The following SERGEF variants were observed in gnomAD, a reference collection of about 807,000 sequenced individuals.
SERGEF encodes secretion regulating guanine nucleotide exchange factor.
SERGEF carries 51 observed loss-of-function variants against 50.0 expected under a neutral mutation model. That is an observed-to-expected ratio of 1.02 (90% CI 0.81 to 1.29). The LOEUF (loss-of-function observed/expected upper bound fraction) is 1.29. Ranked by LOEUF, SERGEF falls within the 50% of genes most tolerant of loss-of-function variation. The probability of loss-of-function intolerance (pLI) is 0.00; values close to 1 mark genes in which losing one functional copy is unlikely to be tolerated. For synonymous variants in SERGEF, 205 were observed against 212.4 expected, an observed-to-expected ratio of 0.97 and a Z score of 0.30; for missense variants, 521 against 557.0, an observed-to-expected ratio of 0.94 and a Z score of 0.65.
chr11:17,840,307 G>A (rs951869624), intron 10 of SERGEF, among the ~76,000 whole-genome samples: 4 of 152,194 alleles, frequency 2.6e-5, no homozygotes, highest in Admixed American at 6.5e-5. Flanking sequence ...CATGTGGCTT[G>A]TGAGTTTAGA....
intron 9 of SERGEF, among the ~76,000 whole-genome samples, chr11:17,935,748 G>A (rs1852438938): frequency 6.6e-6 from 1 of 152,152 alleles, no homozygotes; most frequent in Non-Finnish European, 1.5e-5. Context: ...GGCAGTGACT[G>A]AAGAACTGAG....
chr11:17,821,504 C>T (rs1850081870), intron 10 of SERGEF, among the ~76,000 whole-genome samples: 1 of 152,078 alleles, frequency 6.6e-6, no homozygotes, highest in Non-Finnish European at 1.5e-5. Flanking sequence ...GGTAGGTGCT[C>T]CATACATTTT....
intron 9 of SERGEF, among the ~76,000 whole-genome samples, chr11:17,908,121 C>A (rs1037823497): frequency 3.9e-5 from 6 of 152,226 alleles, no homozygotes; most frequent in Non-Finnish European, 7.3e-5. Flanking sequence ...ACCCTGCCAT[C>A]ACAGTGATCT....
chr11:17,867,616 G>A (rs1434666148), intron 10 of SERGEF, among the ~76,000 whole-genome samples: 2 of 152,190 alleles, frequency 1.3e-5, no homozygotes, highest in East Asian at 1.9e-4. Context: ...ACTAGGCAGT[G>A]CCCCAGTAGG....
At chr11:17,799,199 G>A (rs920668173) in intron 10 of SERGEF, among the ~76,000 whole-genome samples, 2 of 151,804 alleles carry the variant, frequency 1.3e-5, no homozygotes, top group Non-Finnish European at 2.9e-5. Flanking sequence ...GCTGGCTGAG[G>A]TCCAGAGATG....
At chr11:17,882,331 A>G (rs1477449097) in intron 9 of SERGEF, among the ~76,000 whole-genome samples, 1 of 147,830 alleles carries the variant, frequency 6.8e-6, no homozygotes, top group African/African-American at 2.5e-5. Context: ...AGGCAGAAGA[A>G]TTGCTTTAAC....
chr11:17,988,488 T>C, intron 8 of SERGEF, 109 bp downstream of exon 8: 1 of 1,039,972 alleles, frequency 9.6e-7, no homozygotes, highest in Non-Finnish European at 1.4e-6. Context: ...CCATCTCTGA[T>C]CTTTAAGCTT....
At chr11:17,914,295 T>C (rs1270401528) in intron 9 of SERGEF, among the ~76,000 whole-genome samples, 1 of 152,254 alleles carries the variant, frequency 6.6e-6, no homozygotes, top group East Asian at 1.9e-4. Flanking sequence ...TTCAGCTACA[T>C]ATTATCAGTA....
intron 10 of SERGEF, among the ~76,000 whole-genome samples, chr11:17,843,186 G>T (rs1347509048): frequency 6.6e-6 from 1 of 152,172 alleles, no homozygotes; most frequent in African/African-American, 2.4e-5. Context: ...CTGGGCCTCA[G>T]TGAGAACCTC....
chr11:17,884,049 G>A lies in SERGEF; in HGVS notation c.1012-5805C>T, dbSNP rs1319692479. Among the ~76,000 whole-genome samples, 1 of 152,166 alleles carries A rather than the reference G, an allele frequency of 6.6e-6. No homozygotes were observed. The highest frequency in any genetic ancestry group is 1.9e-4 in the East Asian group (1 of 5,180). On this transcript the variant is annotated intron_variant, in intron 9 of 10. Coordinates refer to ENST00000265965, the MANE Select transcript of SERGEF (RefSeq NM_012139.4). This position sits in a 1 kb window ranked among gnomAD's most constrained non-coding sequence, Gnocchi z 4.6. ...GGAAGTGAGGCGAGGCCAGCCCCAC[G>A]CCACCAGCCAGGGGCCGCTTTCCTC...
At chr11:17,848,172 T>C (rs1430567764) in intron 10 of SERGEF, among the ~76,000 whole-genome samples, 1 of 152,036 alleles carries the variant, frequency 6.6e-6, no homozygotes, top group African/African-American at 2.4e-5. Context: ...TGTGCAGAGA[T>C]GGAAACAAAC....
chr11:17,837,427 G>A (rs1424346749), intron 10 of SERGEF, among the ~76,000 whole-genome samples: 3 of 151,678 alleles, frequency 2.0e-5, no homozygotes, highest in African/African-American at 7.3e-5. Flanking sequence ...TGCCCTCTGT[G>A]GGGAGTGAGT....
At chr11:17,824,244 T>C (rs1850142268) in intron 10 of SERGEF, among the ~76,000 whole-genome samples, 1 of 150,342 alleles carries the variant, frequency 6.7e-6, no homozygotes, top group African/African-American at 2.5e-5. Flanking sequence ...GAGCTTGCAG[T>C]GAGCCAAGAT....
intron 8 of SERGEF, among the ~76,000 whole-genome samples, chr11:17,971,345 T>C (rs1853245552): frequency 6.6e-6 from 1 of 152,234 alleles, no homozygotes; most frequent in African/African-American, 2.4e-5. Flanking sequence ...AGCTTTTCAA[T>C]GTAGACCAAA....
intron 10 of SERGEF, among the ~76,000 whole-genome samples, chr11:17,850,447 G>A (rs1028906660): frequency 2.0e-5 from 3 of 152,180 alleles, no homozygotes; most frequent in Non-Finnish European, 4.4e-5. Context: ...TATAATGAGT[G>A]TAAAAGACCC....
At chr11:17,980,304 A>G (rs1222790927) in intron 8 of SERGEF, among the ~76,000 whole-genome samples, 5 of 152,224 alleles carry the variant, frequency 3.3e-5, no homozygotes, top group Non-Finnish European at 7.3e-5. Context: ...AGCCAAAAAT[A>G]GATGGCCACT....
chr11:17,963,980 T>C (rs770489873), intron 8 of SERGEF, among the ~76,000 whole-genome samples: 6 of 151,748 alleles, frequency 4.0e-5, no homozygotes, highest in African/African-American at 7.3e-5. Flanking sequence ...ATAGAAGTCA[T>C]AGGAAAACAA....
At chr11:17,850,801 A>G (rs1850696952) in intron 10 of SERGEF, among the ~76,000 whole-genome samples, 1 of 152,086 alleles carries the variant, frequency 6.6e-6, no homozygotes, top group Non-Finnish European at 1.5e-5. Flanking sequence ...CTGGCAGCCT[A>G]TTTCTAGAAA....
At chr11:17,797,061 T>C (rs1406191586) in intron 10 of SERGEF, among the ~76,000 whole-genome samples, 1 of 152,182 alleles carries the variant, frequency 6.6e-6, no homozygotes, top group African/African-American at 2.4e-5. Context: ...GGGAAGGTAA[T>C]GTGCAAAATA....
Sources: allele counts gnomAD v4.1 joint callset (sites outside exome capture counted in the v4.1 genomes callset), GRCh38; gene constraint gnomAD v4.1.1; non-coding constraint Gnocchi (gnomAD v3.1); transcripts MANE v1.5; gene names NCBI Gene and HGNC (gene_info 2026-07-23, HGNC 2026-07-21).